PACSIN2: variants seen among roughly 807,000 people sequenced by gnomAD.
PACSIN2 encodes the protein protein kinase C and casein kinase substrate in neurons protein 2.
In PACSIN2, 25 loss-of-function variants were observed where a neutral mutation model predicts 63.8. The observed-to-expected ratio is 0.39, with a 90% CI of 0.29 to 0.55. The LOEUF (loss-of-function observed/expected upper bound fraction) is 0.55, where lower values mean the gene tolerates loss of function less well. Ranked by LOEUF, PACSIN2 falls within the 20% of genes least tolerant of loss-of-function variation. The probability of loss-of-function intolerance (pLI) is 0.62; values close to 1 mark genes in which losing one functional copy is unlikely to be tolerated. For missense variants in PACSIN2, 518 were observed against 646.9 expected (o/e 0.80, Z 2.16); for synonymous variants, 255 against 256.2 (o/e 1.00, Z 0.05).
intron 1 of PACSIN2, among the ~76,000 whole-genome samples, chr22:42,966,168 G>A (rs892983962): frequency 2.0e-5 from 3 of 152,024 alleles, no homozygotes; most frequent in African/African-American, 4.8e-5. Context: ...TCAAGAGATC[G>A]AGACCATCTT....
At chr22:42,931,410 G>A (rs1932774745) in intron 1 of PACSIN2, among the ~76,000 whole-genome samples, 1 of 152,244 alleles carries the variant, frequency 6.6e-6, no homozygotes, top group Non-Finnish European at 1.5e-5. Flanking sequence ...TTCCAAGCCA[G>A]CGACACCAAG....
intron 3 of PACSIN2, among the ~76,000 whole-genome samples, chr22:42,892,624 G>T (rs1176882995): frequency 6.6e-6 from 1 of 152,180 alleles, no homozygotes; most frequent in Non-Finnish European, 1.5e-5. Flanking sequence ...TCTGCCACGT[G>T]CCTGCTCCAC....
At chr22:43,000,555 T>C (rs1923704294) in intron 1 of PACSIN2, among the ~76,000 whole-genome samples, 1 of 152,106 alleles carries the variant, frequency 6.6e-6, no homozygotes. Flanking sequence ...AAGTTCCTAG[T>C]AGAGGCAGCA....
intron 1 of PACSIN2, among the ~76,000 whole-genome samples, chr22:42,919,844 G>A (rs577721025): frequency 4.4e-4 from 66 of 150,492 alleles, no homozygotes; most frequent in Non-Finnish European, 6.4e-4. Context: ...AGCCAGGCAC[G>A]GTGGTTCACG....
intron 1 of PACSIN2, among the ~76,000 whole-genome samples, chr22:42,993,017 T>C (rs1400849330): frequency 6.6e-6 from 1 of 151,838 alleles, no homozygotes; most frequent in Non-Finnish European, 1.5e-5. Context: ...TACAAAAAAA[T>C]TGGCCGGGCA....
At position 42,912,146 on chromosome 22, in the gene PACSIN2, C is replaced by G. The variant is rs1196657479; in HGVS notation, c.-66G>C. On this transcript the variant is annotated 5_prime_UTR_variant, in exon 2 of 11. Coordinates refer to ENST00000263246, the MANE Select transcript of PACSIN2 (RefSeq NM_001184970.3). ...GGGGTCAACTTCGAACGCTCAAAAT[C>G]TGTAGACAAACCTATAAATGAAAAA... 5 of 1,096,472 alleles carry G rather than the reference C, an allele frequency of 4.6e-6. No individual in the cohort carries two copies. Among genetic ancestry groups the G allele is most frequent in the Non-Finnish European group, 6.7e-6 (5 of 748,496 alleles). 67.9% of individuals were successfully genotyped at this position (1,096,472 alleles called of 1,614,324 possible).
chr22:42,880,202 CCTGT>C (rs1366401895), intron 7 of PACSIN2, among the ~76,000 whole-genome samples: 1 of 152,240 alleles, frequency 6.6e-6, no homozygotes, highest in African/African-American at 2.4e-5. Flanking sequence ...TCAGAAGCAT[CCTGT>C]CTAACCTGTC....
intron 1 of PACSIN2, among the ~76,000 whole-genome samples, chr22:42,950,115 A>C (rs1933614775): frequency 6.6e-6 from 1 of 152,168 alleles, no homozygotes; most frequent in Non-Finnish European, 1.5e-5. Context: ...CATCTGTACT[A>C]AACATGTACA....
At chr22:42,873,673 T>C (rs1482604634) in intron 10 of PACSIN2, among the ~76,000 whole-genome samples, 5 of 152,154 alleles carry the variant, frequency 3.3e-5, no homozygotes, top group African/African-American at 7.2e-5. Context: ...CTTGGAGTGG[T>C]AGATGCTGCT....
At chr22:42,946,527 G>C (rs527484734) in intron 1 of PACSIN2, among the ~76,000 whole-genome samples, 5 of 152,160 alleles carry the variant, frequency 3.3e-5, no homozygotes, top group South Asian at 2.1e-4. Context: ...TCCAGCCTGG[G>C]GGAAAGAGCA....
intron 1 of PACSIN2, among the ~76,000 whole-genome samples, chr22:42,922,680 C>G (rs1259921082): frequency 6.6e-6 from 1 of 152,152 alleles, no homozygotes; most frequent in Non-Finnish European, 1.5e-5. Context: ...AATGTTTGGG[C>G]CCAAGGTGAG....
chr22:42,955,646 G>A (rs1933884777), intron 1 of PACSIN2, among the ~76,000 whole-genome samples: 1 of 152,216 alleles, frequency 6.6e-6, no homozygotes, highest in Non-Finnish European at 1.5e-5. Flanking sequence ...TCAATGTGAA[G>A]TATGAAAGAT....
At chr22:42,981,877 GA>G (rs1922183656) in intron 1 of PACSIN2, among the ~76,000 whole-genome samples, 2 of 101,834 alleles carry the variant, frequency 2.0e-5, no homozygotes, top group African/African-American at 3.8e-5. Context: ...GAGGTGGGGG[GA>G]TCAGCCCCCC....
rs770352148 is a variant in PACSIN2, at chr22:42,871,444, G to A, written c.1374C>T (p.Asp458=). The part of the protein sequence containing the change: ...KAGDELTKME[D]EDEQGWCKGR... Reference sequence around the variant, plus strand: ...CCTTGCACCAGCCCTGCTCATCCTCGTCCTCCATCTTGGTCAGCTCATCCC... The same window carrying A: ...CCTTGCACCAGCCCTGCTCATCCTCATCCTCCATCTTGGTCAGCTCATCCC... The change falls in exon 11 of 11, where the codon GAC becomes GAT. Residue 458 remains aspartate (D), a synonymous_variant. Transcript: ENST00000263246. This position sits in a 1 kb window ranked among gnomAD's most constrained non-coding sequence, Gnocchi z 5.4. 4 of 1,613,832 alleles carry A rather than the reference G, an allele frequency of 2.5e-6. No individual in the cohort carries two copies. Among genetic ancestry groups the A allele is most frequent in the African/African-American group, 1.3e-5 (1 of 74,882 alleles).
chr22:42,961,745 C>T (rs1175272965), intron 1 of PACSIN2, among the ~76,000 whole-genome samples: 1 of 152,006 alleles, frequency 6.6e-6, no homozygotes, highest in African/African-American at 2.4e-5. Context: ...TGCACTCTAG[C>T]CTGGGTGACA....
chr22:42,900,417 A>G (rs1438194176), intron 2 of PACSIN2, among the ~76,000 whole-genome samples: 2 of 152,154 alleles, frequency 1.3e-5, no homozygotes, highest in Non-Finnish European at 2.9e-5. Flanking sequence ...ATGCCACCCC[A>G]CTTAATCTTG....
intron 1 of PACSIN2, among the ~76,000 whole-genome samples, chr22:42,975,710 C>A (rs899210837): frequency 6.6e-6 from 1 of 150,772 alleles, no homozygotes; most frequent in African/African-American, 2.4e-5. Context: ...GCCTTTACCC[C>A]CTGGCAGGGA....
chr22:42,890,829 G>C (rs1929850181), intron 4 of PACSIN2, 118 bp downstream of exon 4: 2 of 734,746 alleles, frequency 2.7e-6, no homozygotes, highest in African/African-American at 3.5e-5. Context: ...ATCTCTACCA[G>C]GTCTGGCCTC....
intron 1 of PACSIN2, among the ~76,000 whole-genome samples, chr22:42,928,195 G>GTA (rs1932658194): frequency 2.0e-5 from 3 of 152,210 alleles, no homozygotes; most frequent in Non-Finnish European, 4.4e-5. Context: ...CACCCGGAGA[G>GTA]GCATAGGAGG....
Sources: allele counts gnomAD v4.1 joint callset (sites outside exome capture counted in the v4.1 genomes callset), GRCh38; gene constraint gnomAD v4.1.1; non-coding constraint Gnocchi (gnomAD v3.1); transcripts MANE v1.5; gene names NCBI Gene and HGNC (gene_info 2026-07-23, HGNC 2026-07-21).